Variants in FIBCD1 observed in about 807,000 individuals in gnomAD.
FIBCD1 encodes the protein fibrinogen C domain containing 1, also known as fibrinogen C domain-containing protein 1.
FIBCD1 carries 47 observed loss-of-function variants against 45.1 expected under a neutral mutation model. That is an observed-to-expected ratio of 1.04 (90% CI 0.82 to 1.33). The LOEUF (loss-of-function observed/expected upper bound fraction) is 1.33, where lower values mean the gene tolerates loss of function less well. Ranked by LOEUF, FIBCD1 falls within the 40% of genes most tolerant of loss-of-function variation. FIBCD1 has a pLI of 0.00. For missense variants in FIBCD1, 653 were observed against 682.2 expected (o/e 0.96, Z 0.48); for synonymous variants, 313 against 308.1 (o/e 1.02, Z -0.17).
chr9:130,906,362 G>A (rs963062676), intron 5 of FIBCD1, among the ~76,000 whole-genome samples: 13 of 152,196 alleles, frequency 8.5e-5, no homozygotes, highest in African/African-American at 3.1e-4. Context: ...CCTCCTGCCT[G>A]CCTCTCCCCG....
rs763637350 is a variant in FIBCD1, at chr9:130,904,064, C to A, written c.1386G>T (p.Ter462TyrextTer24). The A allele has an allele frequency of 3.1e-6, 5 of 1,611,674 alleles. No individual in the cohort carries two copies. Among genetic ancestry groups the A allele is most frequent in the Non-Finnish European group, 1.7e-6 (2 of 1,179,504 alleles). Residue 462 changes from the stop codon to tyrosine, a stop_lost, in exon 7 of 7, where the codon TAG becomes TAT. Transcript: ENST00000372338. ...AGGGCCAAGGACAAGGTGCACCAGT[C>A]TAGCGGTCCTCCCGGACCGGCCGGA... Reference protein sequence around the residue: ...MKIRPVREDR* With the variant: ...MKIRPVREDRY
rs542186132 is a variant in FIBCD1, at chr9:130,903,881, G to A, written c.*183C>T. 2.7e-4 allele frequency: 204 copies of A among 752,764 alleles called. 2 individuals carry two copies. Among genetic ancestry groups the A allele is most frequent in the South Asian group, 2.3e-3 (141 of 60,680 alleles). 46.6% of individuals were successfully genotyped at this position (752,764 alleles called of 1,614,324 possible). ...GCTGCCAAATGGAGGGGGTGGGGAC[G>A]GCGAGAAGGCGATGTGTGACTTCAC... On this transcript the variant is annotated 3_prime_UTR_variant, in exon 7 of 7. Coordinates refer to ENST00000372338, the MANE Select transcript of FIBCD1 (RefSeq NM_032843.5).
upstream of FIBCD1, among the ~76,000 whole-genome samples, chr9:130,940,278 C>T (rs1050038578): frequency 7.2e-5 from 11 of 152,266 alleles, no homozygotes; most frequent in African/African-American, 2.7e-4. Flanking sequence ...GACTGCCACC[C>T]GCCAGGCGCT....
chr9:130,909,134 G>C (rs1050843932), intron 5 of FIBCD1, among the ~76,000 whole-genome samples: 1 of 151,984 alleles, frequency 6.6e-6, no homozygotes, highest in Non-Finnish European at 1.5e-5. Flanking sequence ...TCGCTCGCAG[G>C]GGAGTTCCTC....
At chr9:130,935,856 A>T (rs1010519319) in intron 1 of FIBCD1, among the ~76,000 whole-genome samples, 1 of 152,192 alleles carries the variant, frequency 6.6e-6, no homozygotes, top group African/African-American at 2.4e-5. Flanking sequence ...CTAAGAAATG[A>T]ATCTTAGTCG....
intron 4 of FIBCD1, 100 bp from the exon 5 acceptor site, chr9:130,911,988 C>A: frequency 9.1e-7 from 1 of 1,102,790 alleles, no homozygotes. Flanking sequence ...CACCCTGCTC[C>A]CAACCTGCCC....
intron 4 of FIBCD1, among the ~76,000 whole-genome samples, chr9:130,918,011 A>C (rs1165732648): frequency 6.6e-6 from 1 of 152,182 alleles, no homozygotes; most frequent in Non-Finnish European, 1.5e-5. Context: ...CTCGGGGCTC[A>C]CAGGGATGAC....
In FIBCD1 at chr9:130,905,306, C is replaced by T. The variant is rs145939538; in HGVS notation, c.1054G>A (p.Val352Met). 9.9e-6 allele frequency: 16 copies of T among 1,613,882 alleles called. No individual in the cohort carries two copies. Among genetic ancestry groups the T allele is most frequent in the African/African-American group, 4.0e-5 (3 of 74,926 alleles). ...TAYARYGSFGVGLFSVDPEED... is the reference protein window; with the variant it reads ...TAYARYGSFGMGLFSVDPEED... ...TCAGGGTCCACGGAGAACAAGCCCA[C>T]GCCGAAGCTCCCGTAGCGGGCATAG... The change falls in exon 6 of 7, where the codon GTG (valine) becomes ATG (methionine). Residue 352 changes from valine (V) to methionine (M), a missense_variant. Physicochemically the swap from Val to Met is conservative, Grantham distance 21. Coordinates refer to ENST00000372338, the MANE Select transcript of FIBCD1 (RefSeq NM_032843.5).
intron 1 of FIBCD1, among the ~76,000 whole-genome samples, chr9:130,932,654 C>T (rs933892321): frequency 6.6e-6 from 1 of 152,214 alleles, no homozygotes; most frequent in Non-Finnish European, 1.5e-5. Context: ...CTACTCCACT[C>T]CCCCCAGCTT....
At chr9:130,933,914 A>C (rs573441505) in intron 1 of FIBCD1, 8 of 152,812 alleles carry the variant, frequency 5.2e-5, no homozygotes, top group African/African-American at 1.9e-4. Flanking sequence ...AGGCCAGGTT[A>C]GACCCAGGTG....
At chr9:130,910,968 G>A (rs1410030528) in intron 5 of FIBCD1, among the ~76,000 whole-genome samples, 1 of 152,108 alleles carries the variant, frequency 6.6e-6, no homozygotes, top group African/African-American at 2.4e-5. Context: ...GATTGTAAAC[G>A]CACCAATCAG....
At chr9:130,936,389 T>G (rs1402523639) in intron 1 of FIBCD1, 1 of 151,744 alleles carries the variant, frequency 6.6e-6, no homozygotes, top group African/African-American at 2.4e-5. Flanking sequence ...AGCCCAGAGC[T>G]GGCACAGGGA....
At chr9:130,919,349 T>C (rs189626605) in intron 4 of FIBCD1, among the ~76,000 whole-genome samples, 1 of 152,298 alleles carries the variant, frequency 6.6e-6, no homozygotes, top group Non-Finnish European at 1.5e-5. Flanking sequence ...GTGGGGACAC[T>C]GTGGCCCACC....
intron 4 of FIBCD1, among the ~76,000 whole-genome samples, chr9:130,923,064 C>T (rs564537155): frequency 3.3e-5 from 5 of 152,336 alleles, no homozygotes; most frequent in African/African-American, 9.6e-5. Flanking sequence ...ACCCAGTATA[C>T]AGTAGGTGCT....
Position 130,922,351 on chromosome 9 carries a change from G to A in FIBCD1, c.849+1393C>T, listed in dbSNP as rs1832275917. The stretch of plus-strand genomic sequence containing the variant: ...TCGCCGGCCTCCCAGTCTCTCTCCA[G>A]CACACTTCTTCTCAGCTGAGCCCCC... On this transcript the variant is annotated intron_variant, in intron 4 of 6. Transcript: ENST00000372338. This position sits in a 1 kb window ranked among gnomAD's most constrained non-coding sequence, Gnocchi z 4.5. Among the ~76,000 whole-genome samples the A allele has an allele frequency of 6.6e-6, 1 of 152,180 alleles. No homozygotes were observed. Among genetic ancestry groups the A allele is most frequent in the African/African-American group, 2.4e-5 (1 of 41,446 alleles).
intron 3 of FIBCD1, 140 bp from the exon 4 acceptor site, chr9:130,924,020 G>A: frequency 7.2e-7 from 1 of 1,381,262 alleles, no homozygotes; most frequent in Non-Finnish European, 9.8e-7. Flanking sequence ...TCCGACCTTG[G>A]CTCTGCCACT....
chr9:130,927,241 G>GAA (rs755793834), intron 2 of FIBCD1, among the ~76,000 whole-genome samples: 2 of 138,422 alleles, frequency 1.4e-5, no homozygotes, highest in African/African-American at 5.3e-5. Context: ...AGACTGTCTC[G>GAA]AAAAAAAAAA....
Position 130,911,712 on chromosome 9 carries a change from G to C in FIBCD1, c.946+80C>G. The C allele has an allele frequency of 4.5e-6, 6 of 1,320,134 alleles. No homozygotes were observed. In the South Asian group the frequency reaches 7.6e-5, roughly 17 times the overall value. The allele number at this position is 1,320,134 out of a possible 1,614,324, so 81.8% of individuals were successfully genotyped here. A position where few individuals can be genotyped will look rare whatever the true frequency, so the allele number is the denominator to read the frequency against. On this transcript the variant is annotated intron_variant, in intron 5 of 6. Coordinates refer to ENST00000372338, the MANE Select transcript of FIBCD1 (RefSeq NM_032843.5). ...GGGAAACCCAGCCCAAACCCATTCAGGGAGCAGCTGGGACCCAACTGTGTC... is the reference window on the plus strand; with the variant it reads ...GGGAAACCCAGCCCAAACCCATTCACGGAGCAGCTGGGACCCAACTGTGTC...
At chr9:130,918,814 C>T (rs971334287) in intron 4 of FIBCD1, among the ~76,000 whole-genome samples, 3 of 152,206 alleles carry the variant, frequency 2.0e-5, no homozygotes, top group Non-Finnish European at 4.4e-5. Flanking sequence ...TCACAGGCCA[C>T]GTGACCTCGG....
Sources: allele counts gnomAD v4.1 joint callset (sites outside exome capture counted in the v4.1 genomes callset), GRCh38; gene constraint gnomAD v4.1.1; non-coding constraint Gnocchi (gnomAD v3.1); transcripts MANE v1.5; gene names NCBI Gene and HGNC (gene_info 2026-07-23, HGNC 2026-07-21).